TYW1: variants seen among roughly 807,000 people sequenced by gnomAD.
The protein encoded by TYW1 is tRNA-yW synthesizing protein 1 homolog, also known as S-adenosyl-L-methionine-dependent tRNA 4-demethylwyosine synthase TYW1.
In TYW1, 46 loss-of-function variants were observed where a neutral mutation model predicts 96.2. The ratio of observed to expected loss-of-function variants is 0.48; its 90% CI spans 0.38 to 0.61. The LOEUF (loss-of-function observed/expected upper bound fraction) is 0.61, where lower values mean the gene tolerates loss of function less well. TYW1 is among the 20% of genes least tolerant of loss of function. The pLI is 0.00. For synonymous variants in TYW1, 274 were observed against 323.0 expected (o/e 0.85, Z 1.63); for missense variants, 684 against 909.6 (o/e 0.75, Z 3.19).
At chr7:67,024,269 A>G (rs2129246487) in intron 6 of TYW1, among the ~76,000 whole-genome samples, 1 of 152,086 alleles carries the variant, frequency 6.6e-6, no homozygotes. Context: ...GCTTCAAGTG[A>G]TGCTCCTGCG....
intron 15 of TYW1, among the ~76,000 whole-genome samples, chr7:67,210,898 ATCTGTCC>A (rs1298865972): frequency 0.099 from 12,687 of 128,798 alleles, 721 homozygotes; most frequent in Middle Eastern, 0.14. Flanking sequence ...CCATCTATCC[ATCTGTCC>A]ATCCATCTAT....
At chr7:67,122,015 ATATATCT>A (rs1284942781) in intron 13 of TYW1, among the ~76,000 whole-genome samples, 1 of 150,274 alleles carries the variant, frequency 6.7e-6, no homozygotes, top group African/African-American at 2.5e-5. Context: ...AAAAAGAGAA[ATATATCT>A]TATACAAGAA....
At chr7:67,029,368 AAT>A (rs1794568276) in intron 7 of TYW1, among the ~76,000 whole-genome samples, 1 of 101,284 alleles carries the variant, frequency 9.9e-6, no homozygotes, top group African/African-American at 3.4e-5. Context: ...AACTTAGTTA[AAT>A]ATGTGTGTGT....
chr7:67,030,003 G>A (rs1162865440), intron 7 of TYW1, among the ~76,000 whole-genome samples: 1 of 152,156 alleles, frequency 6.6e-6, no homozygotes, highest in Non-Finnish European at 1.5e-5. Flanking sequence ...GATACTCTGG[G>A]GAGTGGGCAT....
chr7:67,112,998 G>GAT lies in TYW1; in HGVS notation c.1563-4483_1563-4482dup, dbSNP rs575777936. On this transcript the variant is annotated intron_variant, in intron 12 of 15. Coordinates refer to ENST00000359626, the MANE Select transcript of TYW1 (RefSeq NM_018264.4). ...CATTTGCCATGTTAGAACCATGGGGGATAGTTTGTGATTCCTTTATCCTGC... is the reference window on the plus strand; with the variant it reads ...CATTTGCCATGTTAGAACCATGGGGGATATAGTTTGTGATTCCTTTATCCTGC... 9.8e-5 allele frequency among the ~76,000 whole-genome samples: 15 copies of GAT among 152,288 alleles called. No homozygotes were observed. In the South Asian group the frequency reaches 3.1e-3, roughly 32 times the overall value.
chr7:67,040,709 A>G (rs1409312878), intron 7 of TYW1, among the ~76,000 whole-genome samples: 1 of 151,854 alleles, frequency 6.6e-6, no homozygotes, highest in Non-Finnish European at 1.5e-5. Flanking sequence ...GCTGGGGGTG[A>G]TGGTGCGTGC....
chr7:67,206,056 C>T (rs1563070965), intron 15 of TYW1, among the ~76,000 whole-genome samples: 1 of 152,230 alleles, frequency 6.6e-6, no homozygotes, highest in East Asian at 1.9e-4. Flanking sequence ...TGTCCAGAAC[C>T]AGACATTATA....
chr7:67,193,852 TTGTG>T (rs34815766), intron 14 of TYW1, among the ~76,000 whole-genome samples: 23 of 148,728 alleles, frequency 1.5e-4, no homozygotes, highest in African/African-American at 4.2e-4. Flanking sequence ...TTGTGTGTGT[TTGTG>T]TGTGTGTGTG....
At chr7:67,036,493 T>C (rs1255356415) in intron 7 of TYW1, among the ~76,000 whole-genome samples, 3 of 152,154 alleles carry the variant, frequency 2.0e-5, no homozygotes, top group Non-Finnish European at 4.4e-5. Context: ...GCCAAGATTC[T>C]TTACAGAAAT....
intron 13 of TYW1, among the ~76,000 whole-genome samples, chr7:67,146,628 A>G (rs1009195790): frequency 6.6e-6 from 1 of 152,252 alleles, no homozygotes; most frequent in African/African-American, 2.4e-5. Context: ...TACTTGTAAG[A>G]TAGTGAAAAT....
At chr7:67,079,201 T>TGTGTGTGTG (rs1563001300) in intron 10 of TYW1, among the ~76,000 whole-genome samples, 8 of 149,660 alleles carry the variant, frequency 5.3e-5, no homozygotes, top group Non-Finnish European at 1.0e-4. Flanking sequence ...TGTGTGTGTG[T>TGTGTGTGTG]TTTAGGTTTG....
intron 13 of TYW1, among the ~76,000 whole-genome samples, chr7:67,177,904 A>T (rs3914983): frequency 0.27 from 39,845 of 147,702 alleles, 5,491 homozygotes; most frequent in African/African-American, 0.38. Flanking sequence ...CTGTAATCCT[A>T]GCACTTTGGG....
At chr7:67,039,262 C>T (rs1391931085) in intron 7 of TYW1, among the ~76,000 whole-genome samples, 1 of 152,054 alleles carries the variant, frequency 6.6e-6, no homozygotes, top group Non-Finnish European at 1.5e-5. Context: ...CAAGACCATC[C>T]TGGCTAACAC....
chr7:67,185,467 A>G (rs985555497), intron 14 of TYW1, among the ~76,000 whole-genome samples: 9 of 152,182 alleles, frequency 5.9e-5, no homozygotes, highest in Admixed American at 6.5e-5. Flanking sequence ...TTTTGGAAGT[A>G]GAACCAATAA....
intron 15 of TYW1, among the ~76,000 whole-genome samples, chr7:67,206,153 G>A (rs1349260065): frequency 6.6e-6 from 1 of 152,148 alleles, no homozygotes; most frequent in Non-Finnish European, 1.5e-5. Context: ...TTATTTCCAG[G>A]TGAACTCATT....
chr7:67,035,058 C>T (rs577436027), intron 7 of TYW1, among the ~76,000 whole-genome samples: 9 of 151,714 alleles, frequency 5.9e-5, no homozygotes, highest in African/African-American at 2.2e-4. Flanking sequence ...AGATTGGATG[C>T]ATTTTGTGTT....
Position 67,180,497 on chromosome 7 carries a change from T to C in TYW1, c.1699-2629T>C, listed in dbSNP as rs190203447. On this transcript the variant is annotated intron_variant, in intron 13 of 15. Coordinates refer to ENST00000359626, the MANE Select transcript of TYW1 (RefSeq NM_018264.4). Reference sequence around the variant, plus strand: ...CAGGTTTCCAAGAAGCCAGTCATATTATTTACAATTAATTATTTTTCGTAT... The same window carrying C: ...CAGGTTTCCAAGAAGCCAGTCATATCATTTACAATTAATTATTTTTCGTAT... Among the ~76,000 whole-genome samples the C allele has an allele frequency of 5.5e-3, 816 of 149,608 alleles. 7 individuals carry two copies. The highest frequency in any genetic ancestry group is 9.5e-3 in the Non-Finnish European group (642 of 67,446).
At chr7:67,161,483 AG>A (rs1286652900) in intron 13 of TYW1, among the ~76,000 whole-genome samples, 1 of 152,180 alleles carries the variant, frequency 6.6e-6, no homozygotes, top group Non-Finnish European at 1.5e-5. Context: ...TTTGGTTTGC[AG>A]GCTCATCTTG....
rs1300143189 is a variant in TYW1 at position 67,093,443 on chromosome 7, C to CA, written c.1385-5097dup. On this transcript the variant is annotated intron_variant, in intron 11 of 15. Coordinates refer to ENST00000359626, the MANE Select transcript of TYW1 (RefSeq NM_018264.4). ...GTGTGAACCCGGTGCATCTGAATCC[C>CA]AGTGGCCAGGGCCTAGCCGATGCTC... Among the ~76,000 whole-genome samples the CA allele has an allele frequency of 9.2e-5, 14 of 152,296 alleles. 1 individual carries two copies. The South Asian group carries it at 1.9e-3, about 20-fold the overall frequency.
Sources: gnomAD v4.1 joint callset for allele counts (sites outside exome capture counted in the v4.1 genomes callset) on GRCh38, gnomAD v4.1.1 for gene constraint, MANE v1.5 for transcripts, NCBI Gene and HGNC (gene_info 2026-07-23, HGNC 2026-07-21) for gene names.